Variants in POU3F3 observed in about 807,000 individuals in gnomAD.
POU3F3 encodes POU class 3 homeobox 3.
A neutral mutation model predicts 8.6 loss-of-function variants in POU3F3; 1 was observed. The ratio of observed to expected loss-of-function variants is 0.12; its 90% CI spans 0.04 to 0.55. The LOEUF (loss-of-function observed/expected upper bound fraction) is 0.55, where lower values mean the gene tolerates loss of function less well. Among genes scored for constraint, POU3F3 ranks in the 20% least tolerant of loss-of-function variants. The pLI is 0.91. For missense variants in POU3F3, 577 were observed against 690.7 expected (o/e 0.84, Z 1.84); for synonymous variants, 418 against 327.4 (o/e 1.28, Z -2.99).
At position 104,855,701 on chromosome 2, in the gene POU3F3, G is replaced by A; in HGVS notation, c.191G>A (p.Arg64Gln). 1.6e-6 allele frequency: 2 copies of A among 1,214,370 alleles called. No homozygotes were observed. The highest frequency in any genetic ancestry group is 1.6e-5 in the African/African-American group (1 of 61,056). 75.2% of individuals were successfully genotyped at this position (1,214,370 alleles called of 1,614,324 possible). A position where few individuals can be genotyped will look rare whatever the true frequency, so the allele number is the denominator to read the frequency against. ...GSAAVTSGAY[R>Q]GDPSSVKMVQ... ...GCCGCCGTGACCTCGGGCGCCTACCGGGGGGACCCGTCCTCTGTCAAGATG... is the reference window on the plus strand; with the variant it reads ...GCCGCCGTGACCTCGGGCGCCTACCAGGGGGACCCGTCCTCTGTCAAGATG... Residue 64 changes from arginine (R) to glutamine (Q), a missense_variant, in exon 1 of 1, where the codon CGG (arginine) becomes CAG (glutamine). Transcript: ENST00000361360.
chr2:104,868,025 G>A, the POU3F3 span: 1 of 347,706 alleles, frequency 2.9e-6, no homozygotes, highest in South Asian at 2.2e-5. Flanking sequence ...CAGCTGGTGG[G>A]TAGGAATTGT....
rs996535178 is a variant in POU3F3 at position 104,857,553 on chromosome 2, T to G, written c.*540T>G. The G allele has an allele frequency of 2.6e-5, 4 of 153,542 alleles. No homozygotes were observed. The highest frequency in any genetic ancestry group is 4.2e-4 in the South Asian group (2 of 4,804). 9.5% of individuals were successfully genotyped at this position (153,542 alleles called of 1,614,324 possible). A position where few individuals can be genotyped will look rare whatever the true frequency, so the allele number is the denominator to read the frequency against. ...AAAAAAGAGAGAGAGAGAGTCCCCT[T>G]TCCTTTCACTTTCTCCCTCCAAAAC... On this transcript the variant is annotated 3_prime_UTR_variant, in exon 1 of 1. Transcript: ENST00000361360.
the POU3F3 span, among the ~76,000 whole-genome samples, chr2:104,911,816 G>T: frequency 6.6e-6 from 1 of 151,986 alleles, no homozygotes; most frequent in African/African-American, 2.4e-5. Flanking sequence ...GTGGTCTCGA[G>T]AGAGAGAGGG....
At chr2:104,862,404 A>G (rs1676675264), downstream of POU3F3, among the ~76,000 whole-genome samples, 1 of 152,200 alleles carries the variant, frequency 6.6e-6, no homozygotes, top group South Asian at 2.1e-4. Context: ...GGAAATTCGC[A>G]GTCTGGACCC....
the POU3F3 span, chr2:104,868,474 C>T: frequency 2.5e-6 from 1 of 407,518 alleles, no homozygotes; most frequent in African/African-American, 2.0e-5. Context: ...TTGAACTCAA[C>T]TCAGGAGAAG....
At chr2:104,866,362 G>A in the POU3F3 span, 1 of 152,194 alleles carries the variant, frequency 6.6e-6, no homozygotes, top group Non-Finnish European at 1.5e-5. Flanking sequence ...ATTTATCAAA[G>A]AGGAGGGCCT....
the POU3F3 span, among the ~76,000 whole-genome samples, chr2:104,910,156 G>A: frequency 6.6e-6 from 1 of 152,134 alleles, no homozygotes; most frequent in African/African-American, 2.4e-5. Context: ...TAGCCCTTAT[G>A]ACAGACTCAA....
chr2:104,912,827 T>C, the POU3F3 span, among the ~76,000 whole-genome samples: 3 of 152,208 alleles, frequency 2.0e-5, no homozygotes, highest in Non-Finnish European at 2.9e-5. Context: ...TCAGCATCCC[T>C]TCTGACTTGG....
Position 104,856,581 on chromosome 2 carries a change from G to A in POU3F3, c.1071G>A (p.Gln357=), listed in dbSNP as rs756558999. The stretch of plus-strand genomic sequence containing the variant: ...CACTCTACGGCAACGTGTTCTCGCA[G>A]ACCACCATCTGCCGCTTCGAGGCCC... ...LGTLYGNVFS[Q]TTICRFEALQ... The change falls in exon 1 of 1, where the codon CAG becomes CAA. Residue 357 remains glutamine (Q), a synonymous_variant. Transcript: ENST00000361360. 3 of 1,614,186 alleles carry A rather than the reference G, an allele frequency of 1.9e-6. No homozygotes were observed.
chr2:104,875,145 T>C, the POU3F3 span, among the ~76,000 whole-genome samples: 3 of 152,226 alleles, frequency 2.0e-5, no homozygotes, highest in African/African-American at 7.2e-5. Flanking sequence ...GGTTCATCCA[T>C]GTTGTAGCAT....
At chr2:104,860,754 T>C (rs866009051), downstream of POU3F3, among the ~76,000 whole-genome samples, 4 of 31,324 alleles carry the variant, frequency 1.3e-4, no homozygotes, top group Non-Finnish European at 1.8e-4. Context: ...TGCTCTGCCT[T>C]TTTTTTTTTT....
At position 104,854,426 on chromosome 2, in the gene POU3F3, CCTT is replaced by C. The variant is rs1157358866; in HGVS notation, c.-1082_-1080del. Among the ~76,000 whole-genome samples the C allele has an allele frequency of 6.6e-6, 1 of 152,220 alleles. No homozygotes were observed. Among genetic ancestry groups the C allele is most frequent in the Non-Finnish European group, 1.5e-5 (1 of 68,036 alleles). On this transcript the variant is annotated 5_prime_UTR_variant, in exon 1 of 1. Coordinates refer to ENST00000361360, the MANE Select transcript of POU3F3 (RefSeq NM_006236.3). This position sits in a 1 kb window ranked among gnomAD's most constrained non-coding sequence, Gnocchi z 4.5. ...CCACCAATGCACTCTTCTTCCTCCT[CCTT>C]CTCCAGACAACTGCTGGGAAAAAAA...
At chr2:104,863,972 G>T in the POU3F3 span, among the ~76,000 whole-genome samples, 14 of 152,230 alleles carry the variant, frequency 9.2e-5, no homozygotes, top group South Asian at 8.3e-4. Flanking sequence ...CCTGCGCGCC[G>T]CACGGGGCGG....
the POU3F3 span, among the ~76,000 whole-genome samples, chr2:104,918,311 G>A: frequency 1.3e-5 from 2 of 152,148 alleles, no homozygotes; most frequent in Non-Finnish European, 2.9e-5. Context: ...ATTTATCCTT[G>A]ACATACCTAT....
chr2:104,855,588 G>T lies in POU3F3; in HGVS notation c.78G>T (p.Ala26=), dbSNP rs1294377178. 12 of 983,854 alleles carry T rather than the reference G, an allele frequency of 1.2e-5. No individual in the cohort carries two copies. The highest frequency in any genetic ancestry group is 7.6e-5 in the African/African-American group (4 of 52,890). The allele number at this position is 983,854 out of a possible 1,614,324, so 60.9% of individuals were successfully genotyped here. A position where few individuals can be genotyped will look rare whatever the true frequency, so the allele number is the denominator to read the frequency against. Residue 26 remains alanine, a synonymous_variant, in exon 1 of 1, where the codon GCG becomes GCT. Transcript: ENST00000361360. ...CCGGCTCTATTGTGCACTCGGACGC[G>T]GCAGGGGCTGGCGGCGGCGGGGGTG... The part of the protein sequence containing the change: ...LAAGSIVHSD[A]AGAGGGGGGG...
At chr2:104,879,197 A>G in the POU3F3 span, among the ~76,000 whole-genome samples, 14 of 150,398 alleles carry the variant, frequency 9.3e-5, no homozygotes, top group Non-Finnish European at 2.1e-4. Context: ...TATGCAGTAC[A>G]CACACCACAC....
At position 104,856,315 on chromosome 2, in the gene POU3F3, G is replaced by A. The variant is rs1197778698; in HGVS notation, c.805G>A (p.Glu269Lys). Residue 269 changes from glutamate to lysine, a missense_variant, in exon 1 of 1, where the codon GAG becomes AAG. Physicochemically the swap from Glu to Lys is moderately conservative, Grantham distance 56. Around this residue, in one of 7 missense-constraint regions of POU3F3, gnomAD observed 484 missense variants for 422.6 expected, o/e 1.15. Coordinates refer to ENST00000361360, the MANE Select transcript of POU3F3 (RefSeq NM_006236.3). Reference protein sequence around the residue: ...LVRGDTPELAEHHHHHHHHAH... With the variant: ...LVRGDTPELAKHHHHHHHHAH... ...GCGCGGGGACACGCCAGAGCTGGCCGAGCACCACCACCACCACCACCACCA... is the reference window on the plus strand; with the variant it reads ...GCGCGGGGACACGCCAGAGCTGGCCAAGCACCACCACCACCACCACCACCA... 2.0e-6 allele frequency: 3 copies of A among 1,506,174 alleles called. No homozygotes were observed. Among genetic ancestry groups the A allele is most frequent in the South Asian group, 1.3e-5 (1 of 78,356 alleles). The allele number at this position is 1,506,174 out of a possible 1,614,324, so 93.3% of individuals were successfully genotyped here.
chr2:104,885,426 A>G, the POU3F3 span, among the ~76,000 whole-genome samples: 1 of 152,234 alleles, frequency 6.6e-6, no homozygotes, highest in Non-Finnish European at 1.5e-5. Context: ...CACGAGGTAC[A>G]AGTCACAAAG....
chr2:104,893,164 C>A, the POU3F3 span, among the ~76,000 whole-genome samples: 76 of 152,328 alleles, frequency 5.0e-4, no homozygotes, highest in African/African-American at 1.8e-3. Context: ...GTCACTCAAT[C>A]ACTCAATGGT....
Sources: gnomAD v4.1 joint callset for allele counts (sites outside exome capture counted in the v4.1 genomes callset) on GRCh38, gnomAD v4.1.1 for gene constraint, gnomAD v4.1.1 regional missense constraint, Gnocchi (gnomAD v3.1) non-coding constraint, MANE v1.5 for transcripts, NCBI Gene and HGNC (gene_info 2026-07-23, HGNC 2026-07-21) for gene names.